Variants in STYXL1 observed in about 807,000 individuals in gnomAD.
The protein encoded by STYXL1 is serine/threonine/tyrosine-interacting-like protein 1.
STYXL1 carries 32 observed loss-of-function variants against 36.4 expected under a neutral mutation model. That is an observed-to-expected ratio of 0.88 (90% CI 0.66 to 1.18). The LOEUF is 1.18. STYXL1 is among the 50% of genes most tolerant of loss of function. The pLI is 0.00. For missense variants in STYXL1, 354 were observed against 394.1 expected, an observed-to-expected ratio of 0.90 and a Z score of 0.86; for synonymous variants, 133 against 144.1, an observed-to-expected ratio of 0.92 and a Z score of 0.55.
intron 1 of STYXL1, among the ~76,000 whole-genome samples, chr7:76,046,375 T>A (rs183665680): frequency 6.8e-6 from 1 of 147,488 alleles, no homozygotes. Flanking sequence ...AGCCGGAGTT[T>A]AGCTCTTATC....
At chr7:76,046,339 TGCGCGCGC>T (rs60118008) in intron 1 of STYXL1, among the ~76,000 whole-genome samples, 679 of 44,860 alleles carry the variant, frequency 0.015, 21 homozygotes, top group African/African-American at 0.024. Flanking sequence ...TGTGTGTGTG[TGCGCGCGC>T]GCGCGCGCGC....
chr7:76,003,925 A>G, intron 6 of STYXL1, 70 bp from the exon 7 acceptor site: 2 of 1,433,594 alleles, frequency 1.4e-6, no homozygotes, highest in South Asian at 1.2e-5. Context: ...TGGGGTTTTC[A>G]TCACAGCAGA....
At chr7:76,046,339 T>TGTGTGTGTGTGTGCGC (rs1797056612) in intron 1 of STYXL1, among the ~76,000 whole-genome samples, 1 of 44,908 alleles carries the variant, frequency 2.2e-5, no homozygotes, top group African/African-American at 7.3e-5. Context: ...TGTGTGTGTG[T>TGTGTGTGTGTGTGCGC]GCGCGCGCGC....
At chr7:76,039,871 T>C (rs1554581761) in intron 1 of STYXL1, among the ~76,000 whole-genome samples, 3 of 152,046 alleles carry the variant, frequency 2.0e-5, no homozygotes, top group Non-Finnish European at 1.5e-5. Context: ...AGTCTCAAAC[T>C]CCCGACCTCA....
In STYXL1 at chr7:76,030,609, C is replaced by CT. The variant is rs1554579026; in HGVS notation, c.-4-83dup. The CT allele has an allele frequency of 1.2e-5, 10 of 815,028 alleles. No homozygotes were observed. The East Asian group carries it at 2.6e-4, about 21-fold the overall frequency. The allele number at this position is 815,028 out of a possible 1,614,324, so 50.5% of individuals were successfully genotyped here. On this transcript the variant is annotated intron_variant, in intron 1 of 8. Coordinates refer to ENST00000359697, the MANE Select transcript of STYXL1 (RefSeq NM_001317785.2). ...ACAAAGTAATATAATGAATTAAACT[C>CT]TTTTTTAACATACCTTCAAGCAAAG...
intron 6 of STYXL1, among the ~76,000 whole-genome samples, chr7:76,004,130 G>A (rs1272960487): frequency 1.3e-5 from 2 of 152,178 alleles, no homozygotes; most frequent in Middle Eastern, 3.4e-3. Flanking sequence ...TTCCCGCTCT[G>A]TTGCCCAGGC....
intron 7 of STYXL1, among the ~76,000 whole-genome samples, chr7:76,001,935 C>T (rs1554567780): frequency 6.6e-6 from 1 of 151,738 alleles, no homozygotes; most frequent in Non-Finnish European, 1.5e-5. Flanking sequence ...CCACTGTGCC[C>T]AGCCTATTTT....
rs1790153561 is a variant in STYXL1 at position 75,996,573 on chromosome 7, G to A, written c.837C>T (p.Cys279=). The part of the protein sequence containing the change: ...LQRSWAYVKK[C]KNNMCPNRGL... ...CCCGATTTGGACACATGTTGTTTTT[G>A]CACTTCTTGACATAGGCCCAGGACC... The change falls in exon 9 of 9, where the codon TGC becomes TGT. Residue 279 remains cysteine, a synonymous_variant. Coordinates refer to ENST00000359697, the MANE Select transcript of STYXL1 (RefSeq NM_001317785.2). 2 of 1,614,208 alleles carry A rather than the reference G, an allele frequency of 1.2e-6. No homozygotes were observed. The highest frequency in any genetic ancestry group is 2.2e-5 in the South Asian group (2 of 91,086).
intron 5 of STYXL1, among the ~76,000 whole-genome samples, chr7:76,011,936 C>T (rs1792606060): frequency 6.6e-6 from 1 of 152,246 alleles, no homozygotes; most frequent in Non-Finnish European, 1.5e-5. Context: ...TTTGACAAAA[C>T]TGACCATGAG....
In STYXL1 at chr7:76,003,977, T is replaced by C. The variant is rs897490363; in HGVS notation, c.600-122A>G. 1.1e-5 allele frequency: 9 copies of C among 799,812 alleles called. No individual in the cohort carries two copies. The African/African-American group carries it at 1.5e-4, about 14-fold the overall frequency. 49.5% of individuals were successfully genotyped at this position (799,812 alleles called of 1,614,324 possible). A position where few individuals can be genotyped will look rare whatever the true frequency, so the allele number is the denominator to read the frequency against. On this transcript the variant is annotated intron_variant, in intron 6 of 8. Coordinates refer to ENST00000359697, the MANE Select transcript of STYXL1 (RefSeq NM_001317785.2). ...CGCTGAGCTTGTGTAAGGGGGAATG[T>C]GCACAGGTAACTCAACCTCTCCTGG...
intron 8 of STYXL1, chr7:75,998,727 GAAAAT>G (rs1790437233): frequency 6.6e-6 from 1 of 151,884 alleles, no homozygotes; most frequent in Admixed American, 6.6e-5. Flanking sequence ...AATCAATAGA[GAAAAT>G]CAAAAAAACC....
Position 76,047,982 on chromosome 7 carries a change from CT to C in STYXL1, c.-326del. 6.7e-7 allele frequency: 1 copy of C among 1,484,550 alleles called. No individual in the cohort carries two copies. The highest frequency in any genetic ancestry group is 8.9e-7 in the Non-Finnish European group (1 of 1,118,024). The allele number at this position is 1,484,550 out of a possible 1,614,324, so 92.0% of individuals were successfully genotyped here. ...TTGCCAGGATGGTCCCACAGCTTTC[CT>C]TTCCGACTCCCGGAAGTGGCCGTGA... On this transcript the variant is annotated 5_prime_UTR_variant, in exon 1 of 9. Transcript: ENST00000359697.
chr7:76,020,632 A>G (rs547705766), intron 4 of STYXL1, among the ~76,000 whole-genome samples: 76 of 152,300 alleles, frequency 5.0e-4, no homozygotes, highest in African/African-American at 1.8e-3. Flanking sequence ...AACACTTTTA[A>G]AAGCTTAAGT....
At chr7:76,031,640 G>A (rs961094395) in intron 1 of STYXL1, among the ~76,000 whole-genome samples, 11 of 151,234 alleles carry the variant, frequency 7.3e-5, no homozygotes, top group East Asian at 5.9e-4. Context: ...ACTTGAACCC[G>A]GGAGGCGGAG....
At chr7:76,038,504 C>T (rs1232882928) in intron 1 of STYXL1, among the ~76,000 whole-genome samples, 2 of 149,974 alleles carry the variant, frequency 1.3e-5, no homozygotes, top group Non-Finnish European at 3.0e-5. Flanking sequence ...CAGCTCACTG[C>T]GAGCTCTGCC....
In STYXL1 at chr7:76,014,185, G is replaced by A. The variant is rs149413688; in HGVS notation, c.308-298C>T. On this transcript the variant is annotated intron_variant, in intron 4 of 8. Coordinates refer to ENST00000359697, the MANE Select transcript of STYXL1 (RefSeq NM_001317785.2). Reference sequence around the variant, plus strand: ...AGACAGGGTTTCACCATGTTTGCCAGCCTGGTTTTGAACTCCTCAGCTCAG... The same window carrying A: ...AGACAGGGTTTCACCATGTTTGCCAACCTGGTTTTGAACTCCTCAGCTCAG... 7.4e-3 allele frequency among the ~76,000 whole-genome samples: 1,124 copies of A among 152,026 alleles called. 17 individuals carry two copies. The highest frequency in any genetic ancestry group is 0.025 in the African/African-American group (1,053 of 41,454).
chr7:76,028,405 AC>A (rs1794959093), intron 3 of STYXL1, among the ~76,000 whole-genome samples: 1 of 152,112 alleles, frequency 6.6e-6, no homozygotes, highest in Admixed American at 6.6e-5. Flanking sequence ...ACAGAGCGAG[AC>A]CCGGTCTCAA....
At chr7:76,031,069 G>C (rs782811875) in intron 1 of STYXL1, among the ~76,000 whole-genome samples, 1 of 151,662 alleles carries the variant, frequency 6.6e-6, no homozygotes, top group Non-Finnish European at 1.5e-5. Flanking sequence ...GCTGAGGTAG[G>C]AGAGTCGCTT....
chr7:75,999,511 A>ATATG (rs1554565620), intron 8 of STYXL1, among the ~76,000 whole-genome samples: 18,422 of 95,742 alleles, frequency 0.19, 1,412 homozygotes, highest in East Asian at 0.26. Context: ...GTGTGTGTGT[A>ATATG]TGTGTGTGTG....
Sources: gnomAD v4.1 joint callset for allele counts (sites outside exome capture counted in the v4.1 genomes callset) on GRCh38, gnomAD v4.1.1 for gene constraint, MANE v1.5 for transcripts, NCBI Gene and HGNC (gene_info 2026-07-23, HGNC 2026-07-21) for gene names.